The following GMEB1 variants were observed in gnomAD, a reference collection of about 807,000 sequenced individuals.
GMEB1 encodes glucocorticoid modulatory element binding protein 1.
A neutral mutation model predicts 52.4 loss-of-function variants in GMEB1; 6 were observed. The ratio of observed to expected loss-of-function variants is 0.11; its 90% CI spans 0.06 to 0.23. The LOEUF (loss-of-function observed/expected upper bound fraction) is 0.23. Among genes scored for constraint, GMEB1 ranks in the 10% least tolerant of loss-of-function variants. The pLI is 1.00. For synonymous variants in GMEB1, 255 were observed against 244.9 expected, an observed-to-expected ratio of 1.04 and a Z score of -0.38; for missense variants, 486 against 685.6, an observed-to-expected ratio of 0.71 and a Z score of 3.25.
intron 8 of GMEB1, among the ~76,000 whole-genome samples, chr1:28,706,564 A>T (rs1332167843): frequency 6.8e-6 from 1 of 146,146 alleles, no homozygotes; most frequent in Non-Finnish European, 1.5e-5. Context: ...AGATCACACC[A>T]TTGCGCTCCA....
chr1:28,671,690 G>A (rs923335924), intron 1 of GMEB1, among the ~76,000 whole-genome samples: 2 of 152,066 alleles, frequency 1.3e-5, no homozygotes, highest in Non-Finnish European at 2.9e-5. Flanking sequence ...GTTGCAGTGA[G>A]CCGAGAGCGC....
At position 28,715,491 on chromosome 1, in the gene GMEB1, A is replaced by G. The variant is rs1671248870; in HGVS notation, c.*718A>G. On this transcript the variant is annotated 3_prime_UTR_variant, in exon 10 of 10. Coordinates refer to ENST00000373816, the MANE Select transcript of GMEB1 (RefSeq NM_001319674.2). ...GTGGCGGGAGCCTGTAATCCCAGCTATTCAGGAGGCCAAGGCAGGAGAATC... is the reference window on the plus strand; with the variant it reads ...GTGGCGGGAGCCTGTAATCCCAGCTGTTCAGGAGGCCAAGGCAGGAGAATC... The G allele has an allele frequency of 6.6e-6, 1 of 151,140 alleles. No homozygotes were observed. The highest frequency in any genetic ancestry group is 2.1e-4 in the South Asian group (1 of 4,744). 9.4% of individuals were successfully genotyped at this position (151,140 alleles called of 1,614,324 possible). A position where few individuals can be genotyped will look rare whatever the true frequency, so the allele number is the denominator to read the frequency against.
intron 7 of GMEB1, among the ~76,000 whole-genome samples, chr1:28,702,974 G>A (rs1010786461): frequency 6.6e-6 from 1 of 152,026 alleles, no homozygotes; most frequent in Non-Finnish European, 1.5e-5. Context: ...CCGAGATCGC[G>A]CCACTGCACT....
At chr1:28,670,559 C>T (rs1668837775) in intron 1 of GMEB1, among the ~76,000 whole-genome samples, 1 of 152,116 alleles carries the variant, frequency 6.6e-6, no homozygotes, top group African/African-American at 2.4e-5. Context: ...AACTCCCAAC[C>T]TCAGGTGATC....
At chr1:28,696,095 T>TCTA (rs1469661427) in intron 5 of GMEB1, among the ~76,000 whole-genome samples, 5 of 150,490 alleles carry the variant, frequency 3.3e-5, no homozygotes, top group African/African-American at 1.2e-4. Context: ...TGAGACAGGG[T>TCTA]CTAACTCTGT....
chr1:28,671,980 T>G (rs1176316924), intron 1 of GMEB1, among the ~76,000 whole-genome samples: 1 of 150,408 alleles, frequency 6.6e-6, no homozygotes, highest in Non-Finnish European at 1.5e-5. Context: ...TAGCTGGGCG[T>G]GGTGGCAGAT....
At chr1:28,686,027 T>G (rs908212966) in intron 2 of GMEB1, among the ~76,000 whole-genome samples, 1 of 152,172 alleles carries the variant, frequency 6.6e-6, no homozygotes, top group African/African-American at 2.4e-5. Flanking sequence ...TTGCCACCGT[T>G]AAGTGCAATT....
chr1:28,696,920 T>C lies in GMEB1; in HGVS notation c.441-7T>C. The C allele has an allele frequency of 6.2e-7, 1 of 1,603,568 alleles. No individual in the cohort carries two copies. Among genetic ancestry groups the C allele is most frequent in the Non-Finnish European group, 8.5e-7 (1 of 1,173,514 alleles). ...TGAACTGGTACTTCTTGTCTCCCTT[T>C]GCACAGGAAAATGATGGACTCCGGA... On this transcript the variant is annotated splice_polypyrimidine_tract_variant and splice_region_variant and intron_variant, in intron 5 of 9. Coordinates refer to ENST00000373816, the MANE Select transcript of GMEB1 (RefSeq NM_001319674.2).
In GMEB1 at chr1:28,706,338, C is replaced by T. The variant is rs148657393; in HGVS notation, c.868+2009C>T. Among the ~76,000 whole-genome samples the T allele has an allele frequency of 6.3e-3, 957 of 152,158 alleles. 9 individuals are homozygous for T. The highest frequency in any genetic ancestry group is 0.022 in the African/African-American group (917 of 41,544). ...TGGGGTTATGGGCCAGGCGTTGTGG[C>T]TCACGCCTGTAATCCCAGCACTTTG... is the stretch of plus-strand genomic sequence containing the variant. On this transcript the variant is annotated intron_variant, in intron 8 of 9. Coordinates refer to ENST00000373816, the MANE Select transcript of GMEB1 (RefSeq NM_001319674.2).
chr1:28,709,542 A>G (rs921757782), intron 8 of GMEB1, among the ~76,000 whole-genome samples: 2 of 152,026 alleles, frequency 1.3e-5, no homozygotes, highest in Admixed American at 6.6e-5. Context: ...TTCAAAACCT[A>G]AAGTCAGAAC....
At chr1:28,685,852 A>G (rs1669617323) in intron 2 of GMEB1, among the ~76,000 whole-genome samples, 1 of 152,146 alleles carries the variant, frequency 6.6e-6, no homozygotes, top group Admixed American at 6.6e-5. Flanking sequence ...CCAGCTACTC[A>G]GGAGGCTGAG....
intron 9 of GMEB1, among the ~76,000 whole-genome samples, chr1:28,713,562 T>A (rs1671158133): frequency 6.6e-6 from 1 of 152,214 alleles, no homozygotes; most frequent in African/African-American, 2.4e-5. Flanking sequence ...TCTGTAATTT[T>A]TAGGGACTTC....
chr1:28,702,502 A>T lies in GMEB1; in HGVS notation c.663A>T (p.Ser221=). ...AAGAGGCAGGGCTGGAATGGAACTC[A>T]GCTCTCACCGCTGCTGTCACCATGG... The part of the protein sequence containing the change: ...SMEEAGLEWN[S]ALTAAVTMAT... The change falls in exon 7 of 10, where the codon TCA becomes TCT. Residue 221 remains serine (S), a synonymous_variant. Transcript: ENST00000373816. 3.1e-6 allele frequency: 5 copies of T among 1,613,496 alleles called. No homozygotes were observed. Among genetic ancestry groups the T allele is most frequent in the Non-Finnish European group, 4.2e-6 (5 of 1,179,496 alleles).
intron 1 of GMEB1, among the ~76,000 whole-genome samples, chr1:28,673,558 C>T (rs1220133749): frequency 2.0e-5 from 3 of 152,170 alleles, no homozygotes. Flanking sequence ...TGCAGCCTGA[C>T]ACTTGTCCTT....
At chr1:28,682,785 T>A (rs1042507549) in intron 1 of GMEB1, among the ~76,000 whole-genome samples, 1 of 152,154 alleles carries the variant, frequency 6.6e-6, no homozygotes, top group African/African-American at 2.4e-5. Context: ...GCAAAATGGC[T>A]GTTTGCACAG....
rs556495686 is a variant in GMEB1, at chr1:28,683,525, G to A, written c.-30-58G>A. ...ATTCCAGGCGTGAGCCACCATGCCC[G>A]GCCTGTTGACATCTTTTTAAACCAG... is the stretch of plus-strand genomic sequence containing the variant. On this transcript the variant is annotated intron_variant, in intron 1 of 9. Coordinates refer to ENST00000373816, the MANE Select transcript of GMEB1 (RefSeq NM_001319674.2). 216 of 1,406,392 alleles carry A rather than the reference G, an allele frequency of 1.5e-4. No individual in the cohort carries two copies. In the African/African-American group the frequency reaches 2.2e-3, roughly 14 times the overall value. The allele number at this position is 1,406,392 out of a possible 1,614,324, so 87.1% of individuals were successfully genotyped here.
intron 9 of GMEB1, among the ~76,000 whole-genome samples, chr1:28,713,752 G>C (rs1310377880): frequency 6.6e-6 from 1 of 152,158 alleles, no homozygotes; most frequent in African/African-American, 2.4e-5. Context: ...AGAGTTCCAA[G>C]GGACTGTGCC....
rs139274702 is a variant in GMEB1, at chr1:28,707,139, C to T, written c.868+2810C>T. ...CTGGGACTACAGGTGCCCACCACCA[C>T]GGCCAGCTAATTTTTTATATTTTTT... On this transcript the variant is annotated intron_variant, in intron 8 of 9. Coordinates refer to ENST00000373816, the MANE Select transcript of GMEB1 (RefSeq NM_001319674.2). 3.3e-3 allele frequency among the ~76,000 whole-genome samples: 504 copies of T among 151,674 alleles called. 2 individuals carry two copies. The highest frequency in any genetic ancestry group is 0.012 in the African/African-American group (485 of 41,350).
At chr1:28,694,674 G>T (rs972900407) in intron 5 of GMEB1, among the ~76,000 whole-genome samples, 6 of 144,770 alleles carry the variant, frequency 4.1e-5, no homozygotes, top group Non-Finnish European at 9.2e-5. Context: ...CTTAACATAG[G>T]TTTTTTTTTT....
Sources: allele counts gnomAD v4.1 joint callset (sites outside exome capture counted in the v4.1 genomes callset), GRCh38; gene constraint gnomAD v4.1.1; transcripts MANE v1.5; gene names NCBI Gene and HGNC (gene_info 2026-07-23, HGNC 2026-07-21).